The following AK8 variants were observed in gnomAD, a reference collection of about 807,000 sequenced individuals.
The protein encoded by AK8 is ATP-AMP transphosphorylase 8.
A neutral mutation model predicts 54.6 loss-of-function variants in AK8; 44 were observed. The ratio of observed to expected loss-of-function variants is 0.81; its 90% CI spans 0.63 to 1.04. The LOEUF (loss-of-function observed/expected upper bound fraction) is 1.04, where lower values mean the gene tolerates loss of function less well. Ranked by LOEUF, AK8 falls within the 50% of genes least tolerant of loss-of-function variation. The pLI is 0.00. For missense variants in AK8, 555 were observed against 613.6 expected, an observed-to-expected ratio of 0.90 and a Z score of 1.01; for synonymous variants, 239 against 245.6, an observed-to-expected ratio of 0.97 and a Z score of 0.25.
At chr9:132,869,548 T>C (rs1181482794) in intron 2 of AK8, among the ~76,000 whole-genome samples, 3 of 152,054 alleles carry the variant, frequency 2.0e-5, no homozygotes, top group African/African-American at 7.2e-5. Context: ...CTGACTGTCA[T>C]GGAAGCTAGG....
intron 11 of AK8, among the ~76,000 whole-genome samples, chr9:132,763,149 G>A (rs968301975): frequency 6.6e-5 from 10 of 152,176 alleles, no homozygotes; most frequent in African/African-American, 9.7e-5. Flanking sequence ...GTGGCCAGCC[G>A]GCTGCTGTAT....
chr9:132,739,745 A>G (rs910404717), intron 11 of AK8, among the ~76,000 whole-genome samples: 7 of 152,222 alleles, frequency 4.6e-5, no homozygotes, highest in Non-Finnish European at 7.3e-5. Context: ...AATTAAAATA[A>G]AATAAAAAGT....
At chr9:132,737,005 A>G (rs1837153065) in intron 11 of AK8, among the ~76,000 whole-genome samples, 1 of 152,074 alleles carries the variant, frequency 6.6e-6, no homozygotes, top group Non-Finnish European at 1.5e-5. Flanking sequence ...TGTTTTAATG[A>G]GTCTAGAGTT....
chr9:132,797,440 A>G (rs1406894591), intron 10 of AK8, among the ~76,000 whole-genome samples: 2 of 152,330 alleles, frequency 1.3e-5, no homozygotes, highest in South Asian at 2.1e-4. Context: ...CTGCGGCAAC[A>G]GAAAATAACC....
At chr9:132,733,092 G>A (rs560035834) in intron 11 of AK8, among the ~76,000 whole-genome samples, 15 of 152,232 alleles carry the variant, frequency 9.9e-5, no homozygotes, top group African/African-American at 3.6e-4. Flanking sequence ...TCCAGGAAGC[G>A]AGCCCAACTG....
chr9:132,808,096 G>A (rs181897555), intron 10 of AK8, among the ~76,000 whole-genome samples: 85 of 152,212 alleles, frequency 5.6e-4, no homozygotes, highest in Middle Eastern at 6.8e-3. Flanking sequence ...AGAAACAGCT[G>A]AGAACTTATT....
rs1474807117 is a variant in AK8, at chr9:132,837,863, C to T, written c.403-9137G>A. Among the ~76,000 whole-genome samples the T allele has an allele frequency of 6.6e-6, 1 of 152,324 alleles. No individual in the cohort carries two copies. The highest frequency in any genetic ancestry group is 1.9e-4 in the East Asian group (1 of 5,188). On this transcript the variant is annotated intron_variant, in intron 5 of 12. Transcript: ENST00000298545. The surrounding 1 kb of genome is among the most constrained non-coding windows in gnomAD (Gnocchi z 4.3). ...CAAGCCCTCAGAAGCCCTGCCTCGC[C>T]GTGATGCGGGCCATACGTTTCCTGA...
intron 8 of AK8, among the ~76,000 whole-genome samples, chr9:132,823,630 C>A (rs1588174018): frequency 2.0e-5 from 3 of 152,242 alleles, no homozygotes; most frequent in Admixed American, 2.0e-4. Context: ...TCCTTCCAGG[C>A]TGAACTAGGG....
intron 2 of AK8, among the ~76,000 whole-genome samples, chr9:132,867,192 G>A (rs1843636363): frequency 6.6e-6 from 1 of 151,938 alleles, no homozygotes; most frequent in Non-Finnish European, 1.5e-5. Context: ...CAGAGACACG[G>A]TAACTTGTTT....
chr9:132,746,953 T>C (rs1398490670), intron 11 of AK8, among the ~76,000 whole-genome samples: 1 of 152,240 alleles, frequency 6.6e-6, no homozygotes, highest in Non-Finnish European at 1.5e-5. Context: ...AAAACCAAAC[T>C]ATCATTCATC....
intron 11 of AK8, among the ~76,000 whole-genome samples, chr9:132,762,816 T>C (rs1324886531): frequency 6.6e-6 from 1 of 151,962 alleles, no homozygotes; most frequent in Non-Finnish European, 1.5e-5. Context: ...AGGCGAAGTT[T>C]GCATGAGCTG....
At chr9:132,804,247 C>A (rs1284524565) in intron 10 of AK8, among the ~76,000 whole-genome samples, 1 of 152,136 alleles carries the variant, frequency 6.6e-6, no homozygotes, top group Non-Finnish European at 1.5e-5. Context: ...GGACCCAGGT[C>A]AACTGCCACA....
intron 5 of AK8, among the ~76,000 whole-genome samples, chr9:132,840,038 G>A (rs1355909349): frequency 8.6e-5 from 13 of 151,984 alleles, no homozygotes; most frequent in African/African-American, 1.5e-4. Flanking sequence ...GGCTGTTCTC[G>A]AACTCCTGAC....
rs1840587754 is a variant in AK8, at chr9:132,803,933, C to T, written c.979+10705G>A. On this transcript the variant is annotated intron_variant, in intron 10 of 12. Transcript: ENST00000298545. The surrounding 1 kb of genome is among the most constrained non-coding windows in gnomAD (Gnocchi z 4.4). ...GAGACCTGGCCAATATGGTGAAACCCCATCTCTACTAAAAATACAAAAATT... is the reference window on the plus strand; with the variant it reads ...GAGACCTGGCCAATATGGTGAAACCTCATCTCTACTAAAAATACAAAAATT... Among the ~76,000 whole-genome samples, 1 of 151,942 alleles carries T rather than the reference C, an allele frequency of 6.6e-6. No homozygotes were observed. Among genetic ancestry groups the T allele is most frequent in the Non-Finnish European group, 1.5e-5 (1 of 67,998 alleles).
At chr9:132,740,858 G>A (rs938693816) in intron 11 of AK8, among the ~76,000 whole-genome samples, 3 of 152,184 alleles carry the variant, frequency 2.0e-5, no homozygotes, top group South Asian at 2.1e-4. Flanking sequence ...TGGCTCCTTC[G>A]CTGATGGATG....
At chr9:132,787,917 A>G (rs899236751) in intron 11 of AK8, among the ~76,000 whole-genome samples, 1 of 152,156 alleles carries the variant, frequency 6.6e-6, no homozygotes, top group African/African-American at 2.4e-5. Flanking sequence ...ACTCCAACTC[A>G]AAAGAAAGCC....
intron 11 of AK8, among the ~76,000 whole-genome samples, chr9:132,768,726 CAT>C (rs1305984082): frequency 6.6e-6 from 1 of 152,148 alleles, no homozygotes; most frequent in Admixed American, 6.5e-5. Context: ...ACAGGAAACA[CAT>C]GTCTGCTAAC....
chr9:132,854,730 G>A (rs561634670), intron 5 of AK8, 127 bp downstream of exon 5: 71 of 958,224 alleles, frequency 7.4e-5, no homozygotes, highest in East Asian at 1.8e-4. Flanking sequence ...TGACCTTCAC[G>A]GAGTTCCCGT....
At chr9:132,735,866 GTTGC>G (rs1266713893) in intron 11 of AK8, among the ~76,000 whole-genome samples, 7 of 152,328 alleles carry the variant, frequency 4.6e-5, no homozygotes, top group African/African-American at 1.7e-4. Context: ...ACAGTCATGC[GTTGC>G]TTAATAACAG....
Sources: gnomAD v4.1 joint callset for allele counts (sites outside exome capture counted in the v4.1 genomes callset) on GRCh38, gnomAD v4.1.1 for gene constraint, Gnocchi (gnomAD v3.1) non-coding constraint, MANE v1.5 for transcripts, NCBI Gene and HGNC (gene_info 2026-07-23, HGNC 2026-07-21) for gene names.